The following INVS variants were observed in gnomAD, a reference collection of about 807,000 sequenced individuals.
INVS encodes the protein inversin, also known as inversion of embryo turning homolog.
INVS carries 86 observed loss-of-function variants against 108.8 expected under a neutral mutation model. The ratio of observed to expected loss-of-function variants is 0.79; its 90% CI spans 0.66 to 0.95. INVS has a LOEUF of 0.95. Ranked by LOEUF, INVS falls within the 40% of genes least tolerant of loss-of-function variation. The probability of loss-of-function intolerance (pLI) is 0.00; values close to 1 mark genes in which losing one functional copy is unlikely to be tolerated. For synonymous variants in INVS, 455 were observed against 473.5 expected, an observed-to-expected ratio of 0.96 and a Z score of 0.51; for missense variants, 1,169 against 1,297.4, an observed-to-expected ratio of 0.90 and a Z score of 1.52.
At chr9:100,136,902 T>C (rs1194804168) in intron 3 of INVS, among the ~76,000 whole-genome samples, 1 of 151,980 alleles carries the variant, frequency 6.6e-6, no homozygotes, top group East Asian at 1.9e-4. Context: ...TAGCCAGGTG[T>C]AGTGACACAC....
intron 2 of INVS, among the ~76,000 whole-genome samples, chr9:100,105,579 G>A (rs967894990): frequency 6.6e-6 from 1 of 152,024 alleles, no homozygotes; most frequent in Non-Finnish European, 1.5e-5. Context: ...CTCTTCCTCT[G>A]CTTATCCTTA....
chr9:100,263,386 C>G (rs1408437795), intron 10 of INVS, among the ~76,000 whole-genome samples: 1 of 152,152 alleles, frequency 6.6e-6, no homozygotes, highest in Non-Finnish European at 1.5e-5. Context: ...TTTGGTGGAT[C>G]TAGGAGAGGA....
At chr9:100,196,858 G>A (rs1316260982) in intron 3 of INVS, among the ~76,000 whole-genome samples, 3 of 151,986 alleles carry the variant, frequency 2.0e-5, no homozygotes, top group Non-Finnish European at 4.4e-5. Context: ...TTGAAATTCT[G>A]AGGGGAGAAA....
chr9:100,129,636 C>A, intron 3 of INVS: 2 of 637,758 alleles, frequency 3.1e-6, no homozygotes, highest in East Asian at 2.8e-5. Flanking sequence ...TCAAAAAAAT[C>A]TGTAAAAACT....
intron 3 of INVS, among the ~76,000 whole-genome samples, chr9:100,151,520 G>A (rs920151381): frequency 6.6e-6 from 1 of 151,884 alleles, no homozygotes; most frequent in Non-Finnish European, 1.5e-5. Flanking sequence ...TAATGAATGA[G>A]CAAAAGGAAA....
chr9:100,122,749 A>G (rs1423350746), intron 2 of INVS, among the ~76,000 whole-genome samples: 1 of 151,464 alleles, frequency 6.6e-6, no homozygotes, highest in Admixed American at 6.6e-5. Flanking sequence ...ACACCCAGCT[A>G]ATTTTTTCTG....
intron 5 of INVS, among the ~76,000 whole-genome samples, chr9:100,236,717 T>C (rs1324939657): frequency 1.3e-5 from 2 of 152,184 alleles, no homozygotes; most frequent in African/African-American, 4.8e-5. Flanking sequence ...TGCTGCCTGT[T>C]CTTTCCTCTG....
At chr9:100,238,259 T>C (rs1019192728) in intron 5 of INVS, among the ~76,000 whole-genome samples, 2 of 152,196 alleles carry the variant, frequency 1.3e-5, no homozygotes, top group African/African-American at 4.8e-5. Context: ...TAGGAATCTA[T>C]TTTTCTCAGC....
At chr9:100,194,131 A>G (rs551934856) in intron 3 of INVS, among the ~76,000 whole-genome samples, 1 of 152,244 alleles carries the variant, frequency 6.6e-6, no homozygotes, top group Non-Finnish European at 1.5e-5. Flanking sequence ...TTAACTTTTA[A>G]GAAAATGGTG....
intron 3 of INVS, among the ~76,000 whole-genome samples, chr9:100,209,455 T>C (rs1476114777): frequency 6.6e-6 from 1 of 152,118 alleles, no homozygotes; most frequent in African/African-American, 2.4e-5. Flanking sequence ...GAGACCTCTC[T>C]CATGTCCCTC....
chr9:100,284,830 T>C (rs1486789849), intron 13 of INVS, among the ~76,000 whole-genome samples: 3 of 152,196 alleles, frequency 2.0e-5, no homozygotes, highest in Non-Finnish European at 4.4e-5. Context: ...GATTGATTTA[T>C]GGTTTTTTGT....
Position 100,252,385 on chromosome 9 carries a change from T to C in INVS, c.1181T>C (p.Leu394Pro). ...DATDVMKHTP[L>P]FRACEMGHKD... ...ACTGATGTTATGAAACATACTCCAC[T>C]TTTCCGAGCCTGTGAGATGGGACAC... Residue 394 changes from leucine (L) to proline (P), a missense_variant, in exon 9 of 17, where the codon CTT becomes CCT. Leu to Pro is a moderately conservative substitution (Grantham distance 98). This residue lies in a region of INVS where 271 missense variants were observed against 363.8 expected (regional missense o/e 0.74). Transcript: ENST00000262457. 1 of 1,614,004 alleles carries C rather than the reference T, an allele frequency of 6.2e-7. No individual in the cohort carries two copies. The highest frequency in any genetic ancestry group is 8.5e-7 in the Non-Finnish European group (1 of 1,179,886).
At position 100,179,051 on chromosome 9, in the gene INVS, G is replaced by A. The variant is rs557475762; in HGVS notation, c.274-47011G>A. Among the ~76,000 whole-genome samples, 12 of 152,242 alleles carry A rather than the reference G, an allele frequency of 7.9e-5. No homozygotes were observed. The South Asian group carries it at 1.2e-3, about 16-fold the overall frequency. ...TCCAGCCAAACTAAGCTTCATAAGC[G>A]AAGGAGAAATAAAATCCTTTACAGA... On this transcript the variant is annotated intron_variant, in intron 3 of 16. Transcript: ENST00000262457.
At chr9:100,240,458 G>A (rs980359451) in intron 6 of INVS, among the ~76,000 whole-genome samples, 1 of 151,762 alleles carries the variant, frequency 6.6e-6, no homozygotes, top group Non-Finnish European at 1.5e-5. Context: ...TTAAATTTTT[G>A]TTATAAAAGT....
intron 3 of INVS, among the ~76,000 whole-genome samples, chr9:100,131,349 C>T (rs549077289): frequency 1.7e-4 from 26 of 152,192 alleles, no homozygotes; most frequent in Admixed American, 3.3e-4. Context: ...TGTGGAAAAA[C>T]TTATTGAACT....
chr9:100,189,106 CTT>C (rs60762136), intron 3 of INVS, among the ~76,000 whole-genome samples: 52 of 69,534 alleles, frequency 7.5e-4, no homozygotes, highest in African/African-American at 2.6e-3. Context: ...TTTGCATCTT[CTT>C]TTTTTTTTTT....
intron 3 of INVS, among the ~76,000 whole-genome samples, chr9:100,156,055 A>C (rs1002189602): frequency 6.6e-6 from 1 of 152,146 alleles, no homozygotes; most frequent in African/African-American, 2.4e-5. Flanking sequence ...GCTGCTTAGA[A>C]ATTGGGACAA....
chr9:100,105,850 C>CTTTTTTTTTTTTTTTTTTTTTTT (rs543070811), intron 2 of INVS, among the ~76,000 whole-genome samples: 4 of 63,800 alleles, frequency 6.3e-5, no homozygotes, highest in Non-Finnish European at 1.1e-4. Context: ...GAAAAATTCC[C>CTTTTTTTTTTTTTTTTTTTTTTT]TTTTTTTTTT....
intron 3 of INVS, among the ~76,000 whole-genome samples, chr9:100,143,948 T>C (rs951087723): frequency 2.0e-5 from 3 of 152,090 alleles, no homozygotes; most frequent in African/African-American, 7.2e-5. Flanking sequence ...GATCGGGCAG[T>C]GTCAGTCTTC....
Sources: gnomAD v4.1 joint callset for allele counts (sites outside exome capture counted in the v4.1 genomes callset) on GRCh38, gnomAD v4.1.1 for gene constraint, gnomAD v4.1.1 regional missense constraint, MANE v1.5 for transcripts, NCBI Gene and HGNC (gene_info 2026-07-23, HGNC 2026-07-21) for gene names.